ST3GAL5: variants seen among roughly 807,000 people sequenced by gnomAD.
ST3GAL5 encodes the protein lactosylceramide alpha-2,3-sialyltransferase.
ST3GAL5 carries 25 observed loss-of-function variants against 46.1 expected under a neutral mutation model. The observed-to-expected ratio is 0.54, with a 90% CI of 0.40 to 0.76. The LOEUF (loss-of-function observed/expected upper bound fraction) is 0.76, where lower values mean the gene tolerates loss of function less well. Ranked by LOEUF, ST3GAL5 falls within the 30% of genes least tolerant of loss-of-function variation. The probability of loss-of-function intolerance (pLI) is 0.00; values close to 1 mark genes in which losing one functional copy is unlikely to be tolerated. For missense variants in ST3GAL5, 431 were observed against 521.2 expected (o/e 0.83, Z 1.69); for synonymous variants, 182 against 192.7 (o/e 0.94, Z 0.46).
rs1246866152 is a variant in ST3GAL5 at position 85,837,603 on chromosome 2, A to G, written c.*2541T>C. ...TCAAATGTTTCTACCATAAAGACAA[A>G]TATTTAATGTGACAGATATCCCAGT... On this transcript the variant is annotated 3_prime_UTR_variant, in exon 7 of 7. Transcript: ENST00000638572. 1 of 152,222 alleles carries G rather than the reference A, an allele frequency of 6.6e-6. No homozygotes were observed. The highest frequency in any genetic ancestry group is 1.5e-5 in the Non-Finnish European group (1 of 68,028). 9.4% of individuals were successfully genotyped at this position (152,222 alleles called of 1,614,324 possible).
Position 85,851,756 on chromosome 2 carries a change from C to T in ST3GAL5, c.319-3552G>A, listed in dbSNP as rs1683537558. On this transcript the variant is annotated intron_variant, in intron 3 of 6. Transcript: ENST00000638572. ...CTAGGCTGTGAGGACTCCAGAGCTCCCAGGAAGGCCTCAGAGGCGTCAGCT... is the reference window on the plus strand; with the variant it reads ...CTAGGCTGTGAGGACTCCAGAGCTCTCAGGAAGGCCTCAGAGGCGTCAGCT... 3.1e-6 allele frequency: 4 copies of T among 1,285,784 alleles called. No homozygotes were observed. The Admixed American group carries it at 9.2e-5, about 30-fold the overall frequency. 79.6% of individuals were successfully genotyped at this position (1,285,784 alleles called of 1,614,324 possible). A position where few individuals can be genotyped will look rare whatever the true frequency, so the allele number is the denominator to read the frequency against.
intron 1 of ST3GAL5, among the ~76,000 whole-genome samples, chr2:85,876,747 C>T (rs144275813): frequency 8.5e-5 from 13 of 152,134 alleles, no homozygotes; most frequent in African/African-American, 3.1e-4. Context: ...TGTGAGCCAC[C>T]ACGCCCGACC....
intron 1 of ST3GAL5, among the ~76,000 whole-genome samples, chr2:85,873,619 A>C (rs944222544): frequency 1.3e-5 from 2 of 152,040 alleles, no homozygotes; most frequent in South Asian, 2.1e-4. Flanking sequence ...CCCTCTGTAG[A>C]GAGAGGCCAT....
chr2:85,868,132 G>A (rs894852392), intron 1 of ST3GAL5: 2 of 170,244 alleles, frequency 1.2e-5, no homozygotes, highest in Middle Eastern at 2.7e-3. Context: ...TCAGCTGAAA[G>A]TCATGATCAC....
intron 4 of ST3GAL5, chr2:85,847,471 C>T: frequency 2.0e-6 from 2 of 1,014,900 alleles, no homozygotes; most frequent in Non-Finnish European, 2.4e-6. Flanking sequence ...ACTTCTCAAA[C>T]GTTAAGTCCC....
chr2:85,851,456 C>T lies in ST3GAL5; in HGVS notation c.319-3252G>A, dbSNP rs1683495362. 2.4e-6 allele frequency: 3 copies of T among 1,243,968 alleles called. No individual in the cohort carries two copies. The Admixed American group carries it at 7.6e-5, about 31-fold the overall frequency. The allele number at this position is 1,243,968 out of a possible 1,614,324, so 77.1% of individuals were successfully genotyped here. ...TCTGTAGAGAGCTCACACAGAACTC[C>T]ATCTCATAGCCACTCAGAACAGGAG... On this transcript the variant is annotated intron_variant, in intron 3 of 6. Transcript: ENST00000638572.
chr2:85,848,025 C>A lies in ST3GAL5; in HGVS notation c.498G>T (p.Lys166Asn), dbSNP rs1573596115. 2 of 1,614,162 alleles carry A rather than the reference C, an allele frequency of 1.2e-6. No homozygotes were observed. The highest frequency in any genetic ancestry group is 1.7e-6 in the Non-Finnish European group (2 of 1,180,026). ...SKYDPPFGFR[K>N]FSSKVQTLLE... ...AGAGGGTCTGGACTTTACTGGAGAA[C>A]TTCCGGAACCCAAAAGGAGGATCGT... is the stretch of plus-strand genomic sequence containing the variant. Residue 166 changes from lysine (K) to asparagine (N), a missense_variant, in exon 4 of 7, where the codon AAG (lysine) becomes AAT (asparagine). By Grantham distance (94) the Lys-to-Asn change is moderately conservative (BLOSUM62 0). Transcript: ENST00000638572.
intron 3 of ST3GAL5, among the ~76,000 whole-genome samples, chr2:85,860,543 A>T (rs143076745): frequency 1.3e-5 from 2 of 152,348 alleles, no homozygotes; most frequent in African/African-American, 4.8e-5. Flanking sequence ...AATTCATTAA[A>T]ATTAAAAATA....
intron 3 of ST3GAL5, chr2:85,857,992 T>C (rs558219399): frequency 6.6e-6 from 1 of 152,232 alleles, no homozygotes; most frequent in Non-Finnish European, 1.5e-5. Flanking sequence ...GATGGCAGGA[T>C]GAGAGGCTCG....
chr2:85,863,606 AAAG>A, intron 1 of ST3GAL5, 121 bp from the exon 2 acceptor site: 2 of 1,109,038 alleles, frequency 1.8e-6, no homozygotes, highest in South Asian at 2.6e-5. Flanking sequence ...AACTGGCAAT[AAAG>A]AAGAATGAAC....
chr2:85,857,334 T>C (rs1474107938), intron 3 of ST3GAL5, among the ~76,000 whole-genome samples: 1 of 151,676 alleles, frequency 6.6e-6, no homozygotes, highest in African/African-American at 2.4e-5. Context: ...GTCAGGGGTT[T>C]AAGACCAGCC....
chr2:85,881,012 G>C, intron 1 of ST3GAL5: 2 of 502,210 alleles, frequency 4.0e-6, no homozygotes, highest in Admixed American at 4.1e-5. Context: ...GAATTCCCAC[G>C]TGTTGTGGGA....
At position 85,863,406 on chromosome 2, in the gene ST3GAL5, T is replaced by C. The variant is rs1407700112; in HGVS notation, c.162A>G (p.Gln54=). ...ACAAGCTGGGCCTTCTCATCTTGCT[T>C]TGAGCTCGGGTGTACCATTGCAGGG... The part of the protein sequence containing the change: ...RPSLQWYTRA[Q]SKMRRPSLLL... The change falls in exon 2 of 7, where the codon CAA becomes CAG. Residue 54 remains glutamine, a synonymous_variant. Transcript: ENST00000638572. 6.2e-7 allele frequency: 1 copy of C among 1,614,184 alleles called. No individual in the cohort carries two copies. Among genetic ancestry groups the C allele is most frequent in the Non-Finnish European group, 8.5e-7 (1 of 1,180,010 alleles).
chr2:85,846,438 G>A lies in ST3GAL5; in HGVS notation c.788C>T (p.Ala263Val). ...LEYYSNDLFV[A>V]VLFKSVDFNW... ...GAAATCAACACTCTTAAATAAAACA[G>A]CAACAAATAAGTCATTGGAATAATA... Residue 263 changes from alanine (A) to valine (V), a missense_variant, in exon 5 of 7, where the codon GCT (alanine) becomes GTT (valine). Ala to Val is a moderately conservative substitution (Grantham distance 64, BLOSUM62 0). Transcript: ENST00000638572. 6.2e-7 allele frequency: 1 copy of A among 1,614,188 alleles called. No individual in the cohort carries two copies. Among genetic ancestry groups the A allele is most frequent in the South Asian group, 1.1e-5 (1 of 91,076 alleles).
At position 85,840,405 on chromosome 2, in the gene ST3GAL5, A is replaced by T; in HGVS notation, c.1009-13T>A. The T allele has an allele frequency of 6.2e-7, 1 of 1,613,986 alleles. No individual in the cohort carries two copies. The highest frequency in any genetic ancestry group is 8.5e-7 in the Non-Finnish European group (1 of 1,179,942). The stretch of plus-strand genomic sequence containing the variant: ...TTGTGGGGACGTTCTGAGAAAGGGA[A>T]AAGAAGACCAAAAAGTAAAAAAAAA... On this transcript the variant is annotated splice_polypyrimidine_tract_variant and intron_variant, in intron 6 of 6. Transcript: ENST00000638572.
At chr2:85,845,966 C>T (rs1291431282) in intron 5 of ST3GAL5, 8 of 201,018 alleles carry the variant, frequency 4.0e-5, no homozygotes, top group South Asian at 1.8e-4. Flanking sequence ...GAGGCTGAGG[C>T]GGGTGGATCT....
rs768230935 is a variant in ST3GAL5 at position 85,867,573 on chromosome 2, T to C, written c.83-4088A>G. 9 of 780,464 alleles carry C rather than the reference T, an allele frequency of 1.2e-5. No individual in the cohort carries two copies. In the African/African-American group the frequency reaches 1.4e-4, roughly 12 times the overall value. 48.3% of individuals were successfully genotyped at this position (780,464 alleles called of 1,614,324 possible). The stretch of plus-strand genomic sequence containing the variant: ...CAAGGAAGAGGCTGACGAATCCAGT[T>C]TCTCAGAAAGAAACGTGTGATGGGG... On this transcript the variant is annotated intron_variant, in intron 1 of 6. Transcript: ENST00000638572.
intron 1 of ST3GAL5, among the ~76,000 whole-genome samples, chr2:85,881,812 G>A (rs1365098327): frequency 1.3e-5 from 2 of 152,202 alleles, no homozygotes; most frequent in Non-Finnish European, 2.9e-5. Flanking sequence ...CATTTTCTGG[G>A]GAGAAATTCA....
intron 1 of ST3GAL5, among the ~76,000 whole-genome samples, chr2:85,883,841 G>T (rs1687466352): frequency 6.6e-6 from 1 of 152,158 alleles, no homozygotes; most frequent in Non-Finnish European, 1.5e-5. Flanking sequence ...TGGAGATGGG[G>T]AAGTCCTCTC....
Sources: gnomAD v4.1 joint callset for allele counts (sites outside exome capture counted in the v4.1 genomes callset) on GRCh38, gnomAD v4.1.1 for gene constraint, MANE v1.5 for transcripts, NCBI Gene and HGNC (gene_info 2026-07-23, HGNC 2026-07-21) for gene names.